CYB5D2: variants seen among roughly 807,000 people sequenced by gnomAD.
CYB5D2 encodes neuferricin.
A neutral mutation model predicts 22.8 loss-of-function variants in CYB5D2; 23 were observed. The observed-to-expected ratio is 1.01, with a 90% CI of 0.73 to 1.43. The LOEUF (loss-of-function observed/expected upper bound fraction) is 1.43, where lower values mean the gene tolerates loss of function less well. Ranked by LOEUF, CYB5D2 falls within the 40% of genes most tolerant of loss-of-function variation. CYB5D2 has a pLI of 0.00. For missense variants in CYB5D2, 373 were observed against 357.2 expected (o/e 1.04, Z -0.36); for synonymous variants, 170 against 152.2 (o/e 1.12, Z -0.86).
chr17:4,144,042 G>C, intron 1 of CYB5D2, 37 bp downstream of exon 1: 1 of 1,544,708 alleles, frequency 6.5e-7, no homozygotes, highest in Non-Finnish European at 8.7e-7. Context: ...CTCTCCGCTG[G>C]CGCGAGCCAG....
Position 4,143,996 on chromosome 17 carries a change from G to A in CYB5D2, c.241G>A (p.Gly81Ser), listed in dbSNP as rs2058939305. The change falls in exon 1 of 4, where the codon GGC becomes AGC. Residue 81 changes from glycine to serine, a missense_variant. By Grantham distance (56) the Gly-to-Ser change is moderately conservative. Coordinates refer to ENST00000301391, the MANE Select transcript of CYB5D2 (RefSeq NM_144611.4). ...RHYEPGSHYS[G>S]FAGRDASRAF... is the part of the protein sequence containing the mutation. ...CTACGAGCCTGGGTCCCACTATAGCGGCTTCGCAGGTATCAGCGAGGCTGC... is the reference window on the plus strand; with the variant it reads ...CTACGAGCCTGGGTCCCACTATAGCAGCTTCGCAGGTATCAGCGAGGCTGC... 1 of 1,601,702 alleles carries A rather than the reference G, an allele frequency of 6.2e-7. No individual in the cohort carries two copies. The highest frequency in any genetic ancestry group is 8.5e-7 in the Non-Finnish European group (1 of 1,173,794).
At position 4,143,606 on chromosome 17, in the gene CYB5D2, A is replaced by AGAGAGACTAAGGGAGG. The variant is rs1289951748; in HGVS notation, c.-146_-131dup. 13 of 1,113,330 alleles carry AGAGAGACTAAGGGAGG rather than the reference A, an allele frequency of 1.2e-5. No individual in the cohort carries two copies. Among genetic ancestry groups the AGAGAGACTAAGGGAGG allele is most frequent in the Non-Finnish European group, 1.7e-5 (13 of 787,560 alleles). The allele number at this position is 1,113,330 out of a possible 1,614,324, so 69.0% of individuals were successfully genotyped here. A position where few individuals can be genotyped will look rare whatever the true frequency, so the allele number is the denominator to read the frequency against. ...CAGTGCCAGGAATACAGATAAAACGAGAGAGACTAAGGGAGGGAGCGCGAG... is the reference window on the plus strand; with the variant it reads ...CAGTGCCAGGAATACAGATAAAACGAGAGAGACTAAGGGAGGGAGAGACTAAGGGAGGGAGCGCGAG... On this transcript the variant is annotated 5_prime_UTR_variant, in exon 1 of 4. Transcript: ENST00000301391.
chr17:4,149,061 C>T (rs1157745301), intron 1 of CYB5D2, among the ~76,000 whole-genome samples: 2 of 151,954 alleles, frequency 1.3e-5, no homozygotes, highest in East Asian at 3.8e-4. Flanking sequence ...CCTTATTCAG[C>T]TTCTTGAGGA....
intron 1 of CYB5D2, 50 bp from the exon 2 acceptor site, chr17:4,149,841 A>G: frequency 6.4e-7 from 1 of 1,568,406 alleles, no homozygotes; most frequent in African/African-American, 1.4e-5. Context: ...TTGAGTGGGG[A>G]TGGTGTCAGT....
At chr17:4,154,912 AG>A in intron 3 of CYB5D2, 52 bp downstream of exon 3, 1 of 1,553,082 alleles carries the variant, frequency 6.4e-7, no homozygotes, top group Non-Finnish European at 8.7e-7. Context: ...TCCAACTCCT[AG>A]GCCATCCTGC....
intron 1 of CYB5D2, among the ~76,000 whole-genome samples, chr17:4,149,264 G>A (rs1276972954): frequency 6.6e-6 from 1 of 152,214 alleles, no homozygotes; most frequent in African/African-American, 2.4e-5. Context: ...AGATTGTCAA[G>A]TGTGAGGGTG....
rs1479214925 is a variant in CYB5D2 at position 4,143,629 on chromosome 17, G to C, written c.-127G>C. 3.0e-6 allele frequency: 4 copies of C among 1,351,602 alleles called. No homozygotes were observed. Among genetic ancestry groups the C allele is most frequent in the South Asian group, 1.4e-5 (1 of 70,196 alleles). The allele number at this position is 1,351,602 out of a possible 1,614,324, so 83.7% of individuals were successfully genotyped here. A position where few individuals can be genotyped will look rare whatever the true frequency, so the allele number is the denominator to read the frequency against. Reference sequence around the variant, plus strand: ...CGAGAGAGACTAAGGGAGGGAGCGCGAGCACTAGCGCGCGAGAGAGAGAGC... The same window carrying C: ...CGAGAGAGACTAAGGGAGGGAGCGCCAGCACTAGCGCGCGAGAGAGAGAGC... On this transcript the variant is annotated 5_prime_UTR_variant, in exon 1 of 4. Coordinates refer to ENST00000301391, the MANE Select transcript of CYB5D2 (RefSeq NM_144611.4).
At chr17:4,144,054 A>G in intron 1 of CYB5D2, 49 bp downstream of exon 1, 1 of 1,534,008 alleles carries the variant, frequency 6.5e-7, no homozygotes, top group Non-Finnish European at 8.7e-7. Context: ...GCGAGCCAGT[A>G]GCCACCTGCG....
chr17:4,147,275 A>T (rs2059002827), intron 1 of CYB5D2, among the ~76,000 whole-genome samples: 1 of 152,184 alleles, frequency 6.6e-6, no homozygotes, highest in Admixed American at 6.5e-5. Flanking sequence ...TATCTCAAAA[A>T]AGAAAAAAAC....
chr17:4,154,998 A>C, intron 3 of CYB5D2, 138 bp downstream of exon 3: 2 of 955,832 alleles, frequency 2.1e-6, no homozygotes, highest in Non-Finnish European at 3.0e-6. Context: ...AATAATTCTC[A>C]ACTTTGGCTG....
At position 4,156,864 on chromosome 17, in the gene CYB5D2, A is replaced by C; in HGVS notation, c.579-2A>C. The C allele has an allele frequency of 6.2e-7, 1 of 1,612,530 alleles. No homozygotes were observed. The highest frequency in any genetic ancestry group is 8.5e-7 in the Non-Finnish European group (1 of 1,179,954). On this transcript the variant is annotated splice_acceptor_variant, in intron 3 of 3. Coordinates refer to ENST00000301391, the MANE Select transcript of CYB5D2 (RefSeq NM_144611.4). LOFTEE classifies it high-confidence loss of function. ...AGAAGTCCTCTTTCCGTCTATCCTT[A>C]GTGGAGGTGTGAGCAGAGACTGGAT...
At chr17:4,154,614 A>G in intron 2 of CYB5D2, 60 bp from the exon 3 acceptor site, 1 of 1,558,648 alleles carries the variant, frequency 6.4e-7, no homozygotes, top group South Asian at 1.2e-5. Flanking sequence ...GTGCCTTCCC[A>G]CACCTGCCTC....
chr17:4,157,064 A>G lies in CYB5D2; in HGVS notation c.777A>G (p.Thr259=), dbSNP rs138389686. 2.4e-4 allele frequency: 379 copies of G among 1,612,314 alleles called. 2 individuals are homozygous for G. In the African/African-American group the frequency reaches 3.5e-3, roughly 15 times the overall value. Residue 259 remains threonine, a synonymous_variant, in exon 4 of 4, where the codon ACA becomes ACG. Coordinates refer to ENST00000301391, the MANE Select transcript of CYB5D2 (RefSeq NM_144611.4). The surrounding 1 kb of genome is among the most constrained non-coding windows in gnomAD (Gnocchi z 4.4). Reference sequence around the variant, plus strand: ...CAGGCTGCCCACCGCTAGCCATCACATGCTCCTTTCCACTCTAAGCCGTAG... The same window carrying G: ...CAGGCTGCCCACCGCTAGCCATCACGTGCTCCTTTCCACTCTAAGCCGTAG... The part of the protein sequence containing the change: ...EYTGCPPLAI[T]CSFPL
Position 4,143,586 on chromosome 17 carries a change from C to T in CYB5D2, c.-170C>T. 1 of 928,744 alleles carries T rather than the reference C, an allele frequency of 1.1e-6. No homozygotes were observed. Among genetic ancestry groups the T allele is most frequent in the Non-Finnish European group, 1.5e-6 (1 of 645,380 alleles). 57.5% of individuals were successfully genotyped at this position (928,744 alleles called of 1,614,324 possible). On this transcript the variant is annotated 5_prime_UTR_variant, in exon 1 of 4. Coordinates refer to ENST00000301391, the MANE Select transcript of CYB5D2 (RefSeq NM_144611.4). ...GCAGACAGCGAGCTTTTCGCCAGTGCCAGGAATACAGATAAAACGAGAGAG... is the reference window on the plus strand; with the variant it reads ...GCAGACAGCGAGCTTTTCGCCAGTGTCAGGAATACAGATAAAACGAGAGAG...
chr17:4,144,431 C>A (rs370732088), intron 1 of CYB5D2, among the ~76,000 whole-genome samples: 3 of 151,880 alleles, frequency 2.0e-5, no homozygotes, highest in African/African-American at 7.3e-5. Flanking sequence ...AATCTTTCTT[C>A]CCCCCACCCC....
Position 4,143,456 on chromosome 17 carries a change from G to T in CYB5D2, c.-300G>T, listed in dbSNP as rs948335087. On this transcript the variant is annotated 5_prime_UTR_variant, in exon 1 of 4. Coordinates refer to ENST00000301391, the MANE Select transcript of CYB5D2 (RefSeq NM_144611.4). ...CAGGAGAATCGCTTGAACCCGGGAG[G>T]CGGAGGTTGCAGTGAGCCGAGATTC... The T allele has an allele frequency of 4.3e-6, 1 of 234,582 alleles. No homozygotes were observed. The highest frequency in any genetic ancestry group is 5.3e-5 in the Admixed American group (1 of 18,740). The allele number at this position is 234,582 out of a possible 1,614,324, so 14.5% of individuals were successfully genotyped here.
chr17:4,157,054 T>C lies in CYB5D2; in HGVS notation c.767T>C (p.Leu256Pro). The C allele has an allele frequency of 1.2e-6, 2 of 1,612,496 alleles. No homozygotes were observed. Among genetic ancestry groups the C allele is most frequent in the East Asian group, 2.2e-5 (1 of 44,882 alleles). ...NLAEYTGCPP[L>P]AITCSFPL ...GCAGAGTACACAGGCTGCCCACCGC[T>C]AGCCATCACATGCTCCTTTCCACTC... is the stretch of plus-strand genomic sequence containing the variant. Residue 256 changes from leucine (L) to proline (P), a missense_variant, in exon 4 of 4, where the codon CTA becomes CCA. By Grantham distance (98) the Leu-to-Pro change is moderately conservative. Coordinates refer to ENST00000301391, the MANE Select transcript of CYB5D2 (RefSeq NM_144611.4). The surrounding 1 kb of genome is among the most constrained non-coding windows in gnomAD (Gnocchi z 4.4).
intron 1 of CYB5D2, among the ~76,000 whole-genome samples, chr17:4,147,900 G>A (rs1434517506): frequency 6.6e-6 from 1 of 152,198 alleles, no homozygotes; most frequent in Non-Finnish European, 1.5e-5. Context: ...GGTGGCAGCT[G>A]GTGCAGGACA....
Position 4,143,450 on chromosome 17 carries a change from C to G in CYB5D2, c.-306C>G, listed in dbSNP as rs1035741064. 3 of 227,468 alleles carry G rather than the reference C, an allele frequency of 1.3e-5. No individual in the cohort carries two copies. Among genetic ancestry groups the G allele is most frequent in the African/African-American group, 6.9e-5 (3 of 43,324 alleles). 14.1% of individuals were successfully genotyped at this position (227,468 alleles called of 1,614,324 possible). On this transcript the variant is annotated 5_prime_UTR_variant, in exon 1 of 4. Transcript: ENST00000301391. ...CTGAGGCAGGAGAATCGCTTGAACC[C>G]GGGAGGCGGAGGTTGCAGTGAGCCG... is the stretch of plus-strand genomic sequence containing the variant.
Sources: gnomAD v4.1 joint callset for allele counts (sites outside exome capture counted in the v4.1 genomes callset) on GRCh38, gnomAD v4.1.1 for gene constraint, Gnocchi (gnomAD v3.1) non-coding constraint, MANE v1.5 for transcripts, NCBI Gene and HGNC (gene_info 2026-07-23, HGNC 2026-07-21) for gene names.